MTERF4: variants seen among roughly 807,000 people sequenced by gnomAD.
MTERF4 encodes the protein mitochondrial transcription termination factor 4, also known as transcription termination factor 4, mitochondrial.
A neutral mutation model predicts 22.5 loss-of-function variants in MTERF4; 17 were observed. The ratio of observed to expected loss-of-function variants is 0.75; its 90% confidence interval spans 0.52 to 1.13. MTERF4 has a LOEUF of 1.13. Among genes scored for constraint, MTERF4 ranks in the 50% most tolerant of loss-of-function variants. The pLI, the probability that MTERF4 is intolerant of heterozygous loss-of-function variation, is 0.00. For synonymous variants in MTERF4, 165 were observed against 175.3 expected (o/e 0.94, Z 0.47); for missense variants, 420 against 466.8 (o/e 0.90, Z 0.92).
At position 241,096,459 on chromosome 2, in the gene MTERF4, T is replaced by C. The variant is rs1438177184; in HGVS notation, c.706-21A>G. The C allele has an allele frequency of 6.2e-6, 10 of 1,611,394 alleles. No homozygotes were observed. Among genetic ancestry groups the C allele is most frequent in the Non-Finnish European group, 8.5e-6 (10 of 1,178,052 alleles). On this transcript the variant is annotated intron_variant, in intron 3 of 3. Transcript: ENST00000391980. The surrounding 1 kb of genome is among the most constrained non-coding windows in gnomAD (Gnocchi z 5.1). ...GCATACTGGAAGACACAAACACACT[T>C]AGGAGTCCCAGATACAGAGTATTGA...
intron 4 of MTERF4, among the ~76,000 whole-genome samples, chr2:241,080,055 CG>C (rs1366823771): frequency 6.6e-6 from 1 of 152,082 alleles, no homozygotes; most frequent in East Asian, 1.9e-4. Context: ...GAGGCTGAAA[CG>C]GGCAGTTGAC....
exon 5 of MTERF4, chr2:241,072,463 G>A: frequency 2.8e-6 from 1 of 355,234 alleles, no homozygotes; most frequent in South Asian, 2.1e-5. Context: ...CTGCCCCAGA[G>A]GGGACCTCTC....
the MTERF4 span, among the ~76,000 whole-genome samples, chr2:241,067,159 G>C: frequency 3.3e-5 from 5 of 152,200 alleles, no homozygotes; most frequent in Non-Finnish European, 7.3e-5. Context: ...AGCCAGCCAT[G>C]GTGGGTGGAA....
downstream of MTERF4, chr2:241,088,823 G>A (rs574848589): frequency 1.8e-5 from 4 of 222,672 alleles, no homozygotes; most frequent in South Asian, 4.1e-4. Flanking sequence ...AAATTCCGGG[G>A]GCTCCAGGAG....
the MTERF4 span, chr2:241,065,341 A>G: frequency 6.2e-7 from 1 of 1,612,842 alleles, no homozygotes; most frequent in Non-Finnish European, 8.5e-7. Flanking sequence ...AGAGTGGAGG[A>G]GAGTGGGGTC....
At chr2:241,059,356 T>A in the MTERF4 span, among the ~76,000 whole-genome samples, 1 of 152,248 alleles carries the variant, frequency 6.6e-6, no homozygotes, top group Non-Finnish European at 1.5e-5. Flanking sequence ...TAGAAAGAGC[T>A]ACATATTTTT....
chr2:241,050,618 C>T, the MTERF4 span, among the ~76,000 whole-genome samples: 2 of 152,198 alleles, frequency 1.3e-5, no homozygotes, highest in Non-Finnish European at 2.9e-5. Flanking sequence ...AGCCCTGGAC[C>T]CCGTGGCTCC....
chr2:241,085,014 G>GT (rs147390163), downstream of MTERF4, among the ~76,000 whole-genome samples: 3,760 of 152,152 alleles, frequency 0.025, 151 homozygotes, highest in African/African-American at 0.084. Context: ...GTGTTACACT[G>GT]TATGGAATGT....
intron 1 of MTERF4, among the ~76,000 whole-genome samples, chr2:241,101,738 T>G (rs1260102633): frequency 6.6e-6 from 1 of 152,218 alleles, no homozygotes; most frequent in Non-Finnish European, 1.5e-5. Flanking sequence ...ATCTTCCTTG[T>G]GAAGTTCAAA....
Position 241,099,395 on chromosome 2 carries a change from C to T in MTERF4, c.520+1G>A. 1 of 1,611,196 alleles carries T rather than the reference C, an allele frequency of 6.2e-7. No homozygotes were observed. Among genetic ancestry groups the T allele is most frequent in the East Asian group, 2.2e-5 (1 of 44,850 alleles). Reference sequence around the variant, plus strand: ...CAGCCAAAATCTGCAACTTCTTGTACCTTCTCCAAGCCCAAGCTTTTGCAG... The same window carrying T: ...CAGCCAAAATCTGCAACTTCTTGTATCTTCTCCAAGCCCAAGCTTTTGCAG... On this transcript the variant is annotated splice_donor_variant, in intron 2 of 3. Transcript: ENST00000391980. LOFTEE classifies it high-confidence loss of function.
chr2:241,100,277 G>A (rs778352461), intron 1 of MTERF4, among the ~76,000 whole-genome samples: 14 of 152,082 alleles, frequency 9.2e-5, no homozygotes, highest in Non-Finnish European at 1.6e-4. Context: ...GAATCTTGTG[G>A]GATACAGAGT....
At chr2:241,065,067 C>T in the MTERF4 span, 1 of 926,042 alleles carries the variant, frequency 1.1e-6, no homozygotes, top group African/African-American at 1.7e-5. Flanking sequence ...GCCCAGGCCC[C>T]TTCCCTGAGG....
chr2:241,059,662 G>C, the MTERF4 span, among the ~76,000 whole-genome samples: 1 of 152,206 alleles, frequency 6.6e-6, no homozygotes, highest in Non-Finnish European at 1.5e-5. Context: ...CATCATATTA[G>C]GAGATGAAAG....
chr2:241,069,881 G>T (rs1575050043), downstream of MTERF4: 3 of 1,594,652 alleles, frequency 1.9e-6, no homozygotes, highest in South Asian at 2.3e-5. The surrounding 1 kb of genome is among the most constrained non-coding windows in gnomAD (Gnocchi z 4.9). Flanking sequence ...AAGACCCTGT[G>T]GGCACCCCCT....
the MTERF4 span, chr2:241,063,717 G>T: frequency 2.0e-6 from 3 of 1,520,350 alleles, no homozygotes; most frequent in Non-Finnish European, 2.7e-6. Context: ...GCTCCCTCCA[G>T]TGGGCCCCAC....
the MTERF4 span, among the ~76,000 whole-genome samples, chr2:241,054,694 A>G: frequency 6.6e-6 from 1 of 152,286 alleles, no homozygotes; most frequent in Non-Finnish European, 1.5e-5. Context: ...AAGCAGATTA[A>G]AAACTATAAT....
At chr2:241,053,273 G>T in the MTERF4 span, 3 of 1,602,056 alleles carry the variant, frequency 1.9e-6, no homozygotes, top group East Asian at 4.5e-5. Flanking sequence ...GCCCCCAGCC[G>T]CATCCGGGTC....
downstream of MTERF4, chr2:241,095,013 A>G (rs1366060376): frequency 2.0e-5 from 3 of 148,668 alleles, no homozygotes; most frequent in African/African-American, 7.5e-5. Context: ...TCTTTTCCCA[A>G]CATTTCAAAT....
At chr2:241,065,150 G>A in the MTERF4 span, 2 of 857,092 alleles carry the variant, frequency 2.3e-6, no homozygotes, top group Non-Finnish European at 3.6e-6. Context: ...CCCTCCTGGA[G>A]GTACGTGGCC....
Sources: gnomAD v4.1 joint callset for allele counts (sites outside exome capture counted in the v4.1 genomes callset) on GRCh38, gnomAD v4.1.1 for gene constraint, Gnocchi (gnomAD v3.1) non-coding constraint, MANE v1.5 for transcripts, NCBI Gene and HGNC (gene_info 2026-07-23, HGNC 2026-07-21) for gene names.